Variants in ATG7 observed in about 807,000 individuals in gnomAD.
ATG7 encodes ubiquitin-like modifier-activating enzyme ATG7.
Under a neutral mutation model 82.4 loss-of-function variants are expected in ATG7, and 70 were observed. The observed-to-expected ratio is 0.85, with a 90% CI of 0.70 to 1.04. The LOEUF is 1.04. Among genes scored for constraint, ATG7 ranks in the 50% least tolerant of loss-of-function variants. The pLI, the probability that ATG7 is intolerant of heterozygous loss-of-function variation, is 0.00. For synonymous variants in ATG7, 287 were observed against 313.0 expected (o/e 0.92, Z 0.88); for missense variants, 792 against 864.3 (o/e 0.92, Z 1.05).
At chr3:11,493,864 C>T (rs2090601693) in intron 20 of ATG7, among the ~76,000 whole-genome samples, 1 of 152,104 alleles carries the variant, frequency 6.6e-6, no homozygotes, top group Non-Finnish European at 1.5e-5. Context: ...GGAGAGAACC[C>T]ATGCCTAGAG....
At chr3:11,435,233 A>G (rs1415164155) in intron 20 of ATG7, among the ~76,000 whole-genome samples, 1 of 152,210 alleles carries the variant, frequency 6.6e-6, no homozygotes, top group African/African-American at 2.4e-5. Context: ...TGAGATTTAC[A>G]TCTACTTTGA....
the ATG7 span, chr3:11,564,792 C>T: frequency 6.5e-7 from 1 of 1,545,828 alleles, no homozygotes. Flanking sequence ...CAGACAGAGG[C>T]CCACCTGCTG....
chr3:11,559,593 G>C (rs1388543449), downstream of ATG7: 2 of 1,300,940 alleles, frequency 1.5e-6, no homozygotes, highest in African/African-American at 3.0e-5. Flanking sequence ...TTCAATACTG[G>C]AGTCCTGTTG....
rs77412764 is a variant in ATG7 at position 11,522,780 on chromosome 3, C to A, written c.2080-32031C>A. Among the ~76,000 whole-genome samples, 1,126 of 152,284 alleles carry A rather than the reference C, an allele frequency of 7.4e-3. 90 individuals are homozygous for A. In the East Asian group the frequency reaches 0.18, roughly 24 times the overall value. The stretch of plus-strand genomic sequence containing the variant: ...CGCCTGTCAAATGCCCACCCCAGGC[C>A]TAGACTGCTCTGAGCTTGTGGTACA... On this transcript the variant is annotated intron_variant, in intron 20 of 20. Transcript: ENST00000693202.
intron 20 of ATG7, among the ~76,000 whole-genome samples, chr3:11,474,874 G>T (rs1339597982): frequency 6.6e-6 from 1 of 152,080 alleles, no homozygotes; most frequent in African/African-American, 2.4e-5. Context: ...GGTGGGAGTG[G>T]GGGGCCGGAG....
At chr3:11,305,783 C>T (rs1947621360) in intron 5 of ATG7, among the ~76,000 whole-genome samples, 1 of 152,214 alleles carries the variant, frequency 6.6e-6, no homozygotes, top group African/African-American at 2.4e-5. Context: ...TTTGACAGAG[C>T]CATGTCATTC....
At chr3:11,293,231 T>C (rs914284716) in intron 3 of ATG7, among the ~76,000 whole-genome samples, 2 of 152,066 alleles carry the variant, frequency 1.3e-5, no homozygotes, top group African/African-American at 4.8e-5. Context: ...GAACTTGTTG[T>C]AGAAAGTGAA....
intron 3 of ATG7, among the ~76,000 whole-genome samples, chr3:11,284,988 A>T (rs1943723801): frequency 1.3e-5 from 2 of 151,194 alleles, no homozygotes; most frequent in Admixed American, 1.3e-4. Context: ...TTGGGACTAT[A>T]GGCGCCCGCC....
chr3:11,412,765 T>G (rs2081031281), intron 19 of ATG7, among the ~76,000 whole-genome samples: 1 of 152,314 alleles, frequency 6.6e-6, no homozygotes, highest in East Asian at 1.9e-4. Context: ...TCTGTAGATT[T>G]CCTTGGGTAG....
intron 10 of ATG7, chr3:11,332,756 G>T: frequency 2.7e-6 from 1 of 366,918 alleles, no homozygotes; most frequent in East Asian, 4.3e-5. Flanking sequence ...AGAAATCACA[G>T]CCAATTCATT....
intron 20 of ATG7, among the ~76,000 whole-genome samples, chr3:11,505,542 T>C (rs1442961656): frequency 6.6e-6 from 1 of 152,230 alleles, no homozygotes; most frequent in Non-Finnish European, 1.5e-5. Flanking sequence ...GAAATGACCC[T>C]GGCAGTAAAA....
intron 9 of ATG7, among the ~76,000 whole-genome samples, chr3:11,325,540 G>T (rs370730698): frequency 6.6e-6 from 1 of 152,002 alleles, no homozygotes; most frequent in South Asian, 2.1e-4. Context: ...GTGTGGTGGC[G>T]CATGCCTGTA....
intron 4 of ATG7, 46 bp from the exon 5 acceptor site, chr3:11,299,316 G>A: frequency 6.4e-7 from 1 of 1,557,972 alleles, no homozygotes; most frequent in Non-Finnish European, 8.9e-7. Context: ...TATGAACGCT[G>A]CTATTTCTGA....
At chr3:11,545,394 C>G (rs2071191122) in intron 20 of ATG7, among the ~76,000 whole-genome samples, 1 of 152,238 alleles carries the variant, frequency 6.6e-6, no homozygotes, top group South Asian at 2.1e-4. Flanking sequence ...ACAACAGATC[C>G]TTCTCTTGTG....
Position 11,479,929 on chromosome 3 carries a change from A to ATT in ATG7, c.2079+53018_2079+53019dup, listed in dbSNP as rs1240114722. On this transcript the variant is annotated intron_variant, in intron 20 of 20. Coordinates refer to ENST00000693202, the MANE Select transcript of ATG7 (RefSeq NM_001349232.2). ...TTCTGCACTGCCTGCCCTGGAATCA[A>ATT]TTTTTTTTTTTTTTTTGAGATGGAG... 2.4e-3 allele frequency among the ~76,000 whole-genome samples: 338 copies of ATT among 140,844 alleles called. 1 individual carries two copies. Among genetic ancestry groups the ATT allele is most frequent in the African/African-American group, 7.9e-3 (303 of 38,512 alleles). The allele number at this position is 140,844 out of a possible 152,430, so 92.4% of individuals were successfully genotyped here. A position where few individuals can be genotyped will look rare whatever the true frequency, so the allele number is the denominator to read the frequency against.
chr3:11,548,690 A>G (rs1575288622), intron 20 of ATG7, among the ~76,000 whole-genome samples: 1 of 152,236 alleles, frequency 6.6e-6, no homozygotes, highest in Non-Finnish European at 1.5e-5. Context: ...GAGCCCCCGT[A>G]TCAGCCGATT....
rs867252109 is a variant in ATG7, at chr3:11,548,199, T to C, written c.2080-6612T>C. ...TTTATTATTGCGTTGTAAATGGCCTTTGTATTTTTTCTTTAATTTCTTAAA... is the reference window on the plus strand; with the variant it reads ...TTTATTATTGCGTTGTAAATGGCCTCTGTATTTTTTCTTTAATTTCTTAAA... On this transcript the variant is annotated intron_variant, in intron 20 of 20. Coordinates refer to ENST00000693202, the MANE Select transcript of ATG7 (RefSeq NM_001349232.2). Among the ~76,000 whole-genome samples, 3 of 152,190 alleles carry C rather than the reference T, an allele frequency of 2.0e-5. No homozygotes were observed. The South Asian group carries it at 6.2e-4, about 31-fold the overall frequency.
chr3:11,345,313 G>A (rs1954349899), intron 13 of ATG7, among the ~76,000 whole-genome samples: 1 of 152,206 alleles, frequency 6.6e-6, no homozygotes, highest in South Asian at 2.1e-4. Context: ...GGAGGCTGAG[G>A]CAGGAGAATG....
chr3:11,509,925 G>C (rs1158809268), intron 20 of ATG7, among the ~76,000 whole-genome samples: 1 of 152,124 alleles, frequency 6.6e-6, no homozygotes. Context: ...TAGTGATCTT[G>C]GATGGGTGAT....
Sources: gnomAD v4.1 joint callset for allele counts (sites outside exome capture counted in the v4.1 genomes callset) on GRCh38, gnomAD v4.1.1 for gene constraint, MANE v1.5 for transcripts, NCBI Gene and HGNC (gene_info 2026-07-23, HGNC 2026-07-21) for gene names.